The following AIDA variants were observed in gnomAD, a reference collection of about 807,000 sequenced individuals.
AIDA encodes axin interactor, dorsalization associated, also known as axin interactor, dorsalization-associated protein.
In AIDA, 18 loss-of-function variants were observed where a neutral mutation model predicts 42.7. The ratio of observed to expected loss-of-function variants is 0.42; its 90% CI spans 0.29 to 0.63. The LOEUF (loss-of-function observed/expected upper bound fraction) is 0.63, where lower values mean the gene tolerates loss of function less well. AIDA is among the 20% of genes least tolerant of loss of function. The probability of loss-of-function intolerance (pLI) is 0.19; values close to 1 mark genes in which losing one functional copy is unlikely to be tolerated. For missense variants in AIDA, 250 were observed against 354.1 expected (o/e 0.71, Z 2.36); for synonymous variants, 104 against 122.9 (o/e 0.85, Z 1.02).
At chr1:222,688,296 A>G (rs1274941423) in intron 4 of AIDA, among the ~76,000 whole-genome samples, 3 of 152,218 alleles carry the variant, frequency 2.0e-5, no homozygotes, top group Non-Finnish European at 4.4e-5. Flanking sequence ...TCAAACTGGT[A>G]GTTTGTAGCA....
rs561681172 is a variant in AIDA at position 222,693,904 on chromosome 1, T to G, written c.235-61A>C. On this transcript the variant is annotated intron_variant, in intron 3 of 9. Coordinates refer to ENST00000340020, the MANE Select transcript of AIDA (RefSeq NM_022831.4). ...ACAAGGATTTCACTGCACCCTGTCT[T>G]TTAAGTGGCAAGAACCAAATATTCA... 3.1e-5 allele frequency: 41 copies of G among 1,334,160 alleles called. No individual in the cohort carries two copies. The African/African-American group carries it at 4.8e-4, about 16-fold the overall frequency. 82.6% of individuals were successfully genotyped at this position (1,334,160 alleles called of 1,614,324 possible).
Position 222,712,477 on chromosome 1 carries a change from C to T in AIDA, c.-160G>A. On this transcript the variant is annotated 5_prime_UTR_variant, in exon 1 of 10. Coordinates refer to ENST00000340020, the MANE Select transcript of AIDA (RefSeq NM_022831.4). ...GGAGCCGCCCAAGCCCATTTGCCGC[C>T]ACAGCCAAACTTTGCGGCTCCAAAG... 7.0e-7 allele frequency: 1 copy of T among 1,419,560 alleles called. No individual in the cohort carries two copies. The highest frequency in any genetic ancestry group is 9.2e-7 in the Non-Finnish European group (1 of 1,090,042). The allele number at this position is 1,419,560 out of a possible 1,614,324, so 87.9% of individuals were successfully genotyped here.
At chr1:222,692,162 G>T (rs1655390117) in intron 4 of AIDA, among the ~76,000 whole-genome samples, 1 of 152,112 alleles carries the variant, frequency 6.6e-6, no homozygotes, top group South Asian at 2.1e-4. Flanking sequence ...CCTTCCACTA[G>T]TACTACTAAT....
intron 1 of AIDA, among the ~76,000 whole-genome samples, chr1:222,711,017 G>A (rs950202542): frequency 6.6e-6 from 1 of 150,998 alleles, no homozygotes; most frequent in African/African-American, 2.4e-5. Flanking sequence ...ACTATTGCGG[G>A]GAGACGATAA....
Position 222,676,291 on chromosome 1 carries a change from T to C in AIDA, c.461-73A>G, listed in dbSNP as rs1664542011. 6 of 1,475,050 alleles carry C rather than the reference T, an allele frequency of 4.1e-6. No individual in the cohort carries two copies. In the Middle Eastern group the frequency reaches 5.4e-4, roughly 133 times the overall value. 91.4% of individuals were successfully genotyped at this position (1,475,050 alleles called of 1,614,324 possible). ...AACATTTTAATGAACACAGAGAAGA[T>C]ACAGCCTTGCTTGTAACTGACTTAG... On this transcript the variant is annotated intron_variant, in intron 6 of 9. Coordinates refer to ENST00000340020, the MANE Select transcript of AIDA (RefSeq NM_022831.4).
intron 6 of AIDA, among the ~76,000 whole-genome samples, chr1:222,681,989 AG>A (rs1244710470): frequency 2.6e-5 from 4 of 152,204 alleles, no homozygotes; most frequent in Non-Finnish European, 4.4e-5. Context: ...CACATTGACT[AG>A]TTCTGTGTGT....
chr1:222,685,709 T>A (rs1251159667), intron 6 of AIDA, among the ~76,000 whole-genome samples: 2 of 152,172 alleles, frequency 1.3e-5, no homozygotes, highest in African/African-American at 4.8e-5. Context: ...TTGCCAAGGT[T>A]ATTTACAGGG....
chr1:222,692,743 G>A (rs1019066022), intron 4 of AIDA, among the ~76,000 whole-genome samples: 11 of 152,160 alleles, frequency 7.2e-5, no homozygotes, highest in African/African-American at 2.7e-4. Flanking sequence ...GGGGAACAGA[G>A]AAAGATGGGA....
At chr1:222,672,031 A>C (rs1400149045) in intron 8 of AIDA, among the ~76,000 whole-genome samples, 1 of 152,220 alleles carries the variant, frequency 6.6e-6, no homozygotes, top group African/African-American at 2.4e-5. Flanking sequence ...TTTTTATAAG[A>C]AAGAACAAAA....
intron 2 of AIDA, among the ~76,000 whole-genome samples, chr1:222,695,540 G>A (rs1253282219): frequency 1.3e-5 from 2 of 152,126 alleles, no homozygotes; most frequent in African/African-American, 4.8e-5. Flanking sequence ...GTTGAAGTAG[G>A]AAAGGGCAAA....
At chr1:222,706,295 T>C (rs1655836174) in intron 1 of AIDA, among the ~76,000 whole-genome samples, 1 of 152,192 alleles carries the variant, frequency 6.6e-6, no homozygotes, top group Non-Finnish European at 1.5e-5. Flanking sequence ...AAATTTATCA[T>C]ATGACCCAGT....
In AIDA at chr1:222,696,891, T is replaced by C. The variant is rs563453729; in HGVS notation, c.181-2628A>G. 1.4e-4 allele frequency among the ~76,000 whole-genome samples: 22 copies of C among 152,290 alleles called. No homozygotes were observed. In the East Asian group the frequency reaches 2.9e-3, roughly 20 times the overall value. ...AACAACTATGAGTCCACCAATAAACTATTTTAAATTTAAACATTTCTTGAA... is the reference window on the plus strand; with the variant it reads ...AACAACTATGAGTCCACCAATAAACCATTTTAAATTTAAACATTTCTTGAA... On this transcript the variant is annotated intron_variant, in intron 2 of 9. Transcript: ENST00000340020.
intron 4 of AIDA, among the ~76,000 whole-genome samples, 164 bp from the exon 5 acceptor site, chr1:222,687,822 T>C (rs1020799188): frequency 3.9e-5 from 6 of 152,130 alleles, no homozygotes; most frequent in African/African-American, 1.4e-4. Flanking sequence ...TCCACTGAAG[T>C]CTTAGCAAAA....
At chr1:222,679,567 C>A (rs527565213) in intron 6 of AIDA, among the ~76,000 whole-genome samples, 1 of 152,314 alleles carries the variant, frequency 6.6e-6, no homozygotes, top group South Asian at 2.1e-4. Flanking sequence ...ATTTAATCCT[C>A]CCAACAACCC....
chr1:222,679,495 AC>A (rs775857333), intron 6 of AIDA, among the ~76,000 whole-genome samples: 2 of 152,224 alleles, frequency 1.3e-5, no homozygotes, highest in African/African-American at 2.4e-5. Context: ...TAAACAGCCA[AC>A]TTTTACAGAA....
chr1:222,672,974 GTTC>G (rs1664475371), intron 8 of AIDA, among the ~76,000 whole-genome samples: 1 of 152,100 alleles, frequency 6.6e-6, no homozygotes, highest in Admixed American at 6.5e-5. Flanking sequence ...GAAAACCCTG[GTTC>G]TTAATTTGAA....
chr1:222,690,401 T>C (rs562321738), intron 4 of AIDA, among the ~76,000 whole-genome samples: 13 of 152,380 alleles, frequency 8.5e-5, no homozygotes, highest in Admixed American at 6.5e-5. Context: ...AGGGTATGTA[T>C]GTAATTCAGT....
intron 6 of AIDA, among the ~76,000 whole-genome samples, chr1:222,684,075 G>A (rs77763135): frequency 0.13 from 19,088 of 151,754 alleles, 1,806 homozygotes; most frequent in African/African-American, 0.27. Context: ...ATATGAGTTG[G>A]TCAAAACTCA....
At chr1:222,682,715 A>G (rs1311975293) in intron 6 of AIDA, among the ~76,000 whole-genome samples, 1 of 152,116 alleles carries the variant, frequency 6.6e-6, no homozygotes, top group Non-Finnish European at 1.5e-5. Context: ...TTTTGAGTAT[A>G]TATTTCTTTG....
Sources: gnomAD v4.1 joint callset for allele counts (sites outside exome capture counted in the v4.1 genomes callset) on GRCh38, gnomAD v4.1.1 for gene constraint, MANE v1.5 for transcripts, NCBI Gene and HGNC (gene_info 2026-07-23, HGNC 2026-07-21) for gene names.